Variants in ANKRD42 observed in about 807,000 individuals in gnomAD.
ANKRD42 encodes the protein ankyrin repeat domain 42.
A neutral mutation model predicts 51.5 loss-of-function variants in ANKRD42; 43 were observed. The ratio of observed to expected loss-of-function variants is 0.83; its 90% CI spans 0.65 to 1.08. The LOEUF (loss-of-function observed/expected upper bound fraction) is 1.08. Among genes scored for constraint, ANKRD42 ranks in the 50% least tolerant of loss-of-function variants. The pLI is 0.00. For missense variants in ANKRD42, 608 were observed against 629.3 expected, an observed-to-expected ratio of 0.97 and a Z score of 0.36; for synonymous variants, 203 against 213.0, an observed-to-expected ratio of 0.95 and a Z score of 0.41.
At chr11:83,206,009 A>T in intron 2 of ANKRD42, 49 bp from the exon 3 acceptor site, 1 of 1,491,148 alleles carries the variant, frequency 6.7e-7, no homozygotes, top group Non-Finnish European at 9.3e-7. Context: ...AAAGATAAAA[A>T]TGTTAAAAAC....
chr11:83,200,663 A>G (rs1041177727), intron 2 of ANKRD42, among the ~76,000 whole-genome samples: 1 of 152,138 alleles, frequency 6.6e-6, no homozygotes, highest in Admixed American at 6.5e-5. Context: ...TGTCCTCTCC[A>G]TCCCCATAAC....
chr11:83,216,559 C>T (rs1013001250), intron 5 of ANKRD42, among the ~76,000 whole-genome samples: 9 of 151,640 alleles, frequency 5.9e-5, no homozygotes, highest in Non-Finnish European at 8.8e-5. Context: ...CTCCTGACCT[C>T]GTGGTCCGCC....
At chr11:83,198,675 A>T (rs907702376) in intron 2 of ANKRD42, 33 bp downstream of exon 2, 1 of 1,532,162 alleles carries the variant, frequency 6.5e-7, no homozygotes, top group African/African-American at 1.4e-5. Flanking sequence ...AAACTGAGGT[A>T]AGTTTTAGCT....
intron 5 of ANKRD42, among the ~76,000 whole-genome samples, chr11:83,220,092 GGA>G (rs1325282642): frequency 6.6e-6 from 1 of 152,156 alleles, no homozygotes; most frequent in Non-Finnish European, 1.5e-5. Flanking sequence ...CCATGCAGGG[GGA>G]GCCTCTGGTG....
intron 2 of ANKRD42, among the ~76,000 whole-genome samples, chr11:83,200,879 C>T (rs986058074): frequency 6.6e-6 from 1 of 152,160 alleles, no homozygotes; most frequent in Non-Finnish European, 1.5e-5. Context: ...AACCTCATCT[C>T]CCATCATAAT....
At chr11:83,197,920 A>G (rs534589630) in intron 1 of ANKRD42, among the ~76,000 whole-genome samples, 1 of 152,310 alleles carries the variant, frequency 6.6e-6, no homozygotes, top group African/African-American at 2.4e-5. Flanking sequence ...AGAACAACAC[A>G]TGGGGCATAT....
rs1862262846 is a variant in ANKRD42 at position 83,210,339 on chromosome 11, G to A, written c.370G>A (p.Asp124Asn). ...TGGAGCAAATCTGACAGCCCAGGAT[G>A]ACCGGGGATGCACTCCTTTACATCT... ...MNGANLTAQD[D>N]RGCTPLHLAA... Residue 124 changes from aspartate to asparagine, a missense_variant, in exon 4 of 11, where the codon GAC (aspartate) becomes AAC (asparagine). Asp to Asn is a conservative substitution (Grantham distance 23). Coordinates refer to ENST00000533342, the MANE Select transcript of ANKRD42 (RefSeq NM_001300975.2). The A allele has an allele frequency of 6.2e-7, 1 of 1,613,854 alleles. No individual in the cohort carries two copies. The highest frequency in any genetic ancestry group is 1.3e-5 in the African/African-American group (1 of 75,032).
chr11:83,249,174 A>G (rs79783824), downstream of ANKRD42, among the ~76,000 whole-genome samples: 2,756 of 152,246 alleles, frequency 0.018, 65 homozygotes, highest in African/African-American at 0.058. Flanking sequence ...AGTCTCCTCA[A>G]AAGTAGAAAG....
chr11:83,222,374 C>G (rs539215471), intron 5 of ANKRD42, among the ~76,000 whole-genome samples: 11 of 152,180 alleles, frequency 7.2e-5, no homozygotes, highest in Admixed American at 2.6e-4. Context: ...AAGACAAAGT[C>G]CTGCCTACAT....
chr11:83,201,566 A>C (rs1013751651), intron 2 of ANKRD42, among the ~76,000 whole-genome samples: 2 of 152,234 alleles, frequency 1.3e-5, no homozygotes, highest in Non-Finnish European at 2.9e-5. Context: ...TAGATCCTTG[A>C]GGAATTGCTA....
chr11:83,210,077 AG>A (rs1862249976), intron 3 of ANKRD42: 1 of 427,810 alleles, frequency 2.3e-6, no homozygotes. Context: ...TCATGTTAAA[AG>A]CCTTGATTAG....
At chr11:83,250,478 G>A (rs949189604), downstream of ANKRD42, among the ~76,000 whole-genome samples, 13 of 152,190 alleles carry the variant, frequency 8.5e-5, no homozygotes, top group African/African-American at 3.1e-4. Flanking sequence ...GAAGTTGAGA[G>A]TCTTGTTAGA....
intron 5 of ANKRD42, chr11:83,215,261 T>C (rs958300034): frequency 1.3e-5 from 2 of 152,216 alleles, no homozygotes; most frequent in African/African-American, 4.8e-5. Flanking sequence ...AATTAACTTA[T>C]AGTTTATTTA....
intron 9 of ANKRD42, among the ~76,000 whole-genome samples, chr11:83,245,273 G>C (rs1335996839): frequency 6.6e-6 from 1 of 152,218 alleles, no homozygotes; most frequent in Non-Finnish European, 1.5e-5. Context: ...ACATGCTCCA[G>C]TAGCAGGGAA....
chr11:83,197,405 G>C (rs1861700390), intron 1 of ANKRD42, among the ~76,000 whole-genome samples: 1 of 152,176 alleles, frequency 6.6e-6, no homozygotes, highest in Admixed American at 6.5e-5. Context: ...ATAGCAGTTT[G>C]CTAAGAGCAA....
In ANKRD42 at chr11:83,209,969, CTGTTTT is replaced by C. The variant is rs1406212168; in HGVS notation, c.331-323_331-318del. ...CTGTTACAGGGATCATGTAAACTTGCTGTTTTTGTTTTTTCCTGCCGGGTGTTGTAT... is the reference window on the plus strand; with the variant it reads ...CTGTTACAGGGATCATGTAAACTTGCTGTTTTTTCCTGCCGGGTGTTGTAT... On this transcript the variant is annotated intron_variant, in intron 3 of 10. Coordinates refer to ENST00000533342, the MANE Select transcript of ANKRD42 (RefSeq NM_001300975.2). The C allele has an allele frequency of 3.4e-5, 12 of 352,254 alleles. No homozygotes were observed. The East Asian group carries it at 7.4e-4, about 22-fold the overall frequency. The allele number at this position is 352,254 out of a possible 1,614,324, so 21.8% of individuals were successfully genotyped here.
intron 2 of ANKRD42, among the ~76,000 whole-genome samples, chr11:83,204,210 T>G (rs1861982611): frequency 6.6e-6 from 1 of 152,156 alleles, no homozygotes; most frequent in African/African-American, 2.4e-5. Context: ...CCCAAAATGC[T>G]GAGATTACAG....
At chr11:83,261,707 A>C (rs926897511), downstream of ANKRD42, 2 of 377,880 alleles carry the variant, frequency 5.3e-6, no homozygotes, top group Non-Finnish European at 9.5e-6. Flanking sequence ...TTTTCAATAT[A>C]ATAAAGACAC....
chr11:83,238,235 G>A (rs1265350742), intron 8 of ANKRD42, among the ~76,000 whole-genome samples: 1 of 152,112 alleles, frequency 6.6e-6, no homozygotes, highest in African/African-American at 2.4e-5. Flanking sequence ...ATCATTTTTT[G>A]GTGGTTATGA....
Sources: gnomAD v4.1 joint callset for allele counts (sites outside exome capture counted in the v4.1 genomes callset) on GRCh38, gnomAD v4.1.1 for gene constraint, MANE v1.5 for transcripts, NCBI Gene and HGNC (gene_info 2026-07-23, HGNC 2026-07-21) for gene names.